The following OVOL1 variants were observed in gnomAD, a reference collection of about 807,000 sequenced individuals.
OVOL1 encodes putative transcription factor Ovo-like 1.
In OVOL1, 10 loss-of-function variants were observed where a neutral mutation model predicts 21.5. That is an observed-to-expected ratio of 0.46 (90% CI 0.29 to 0.79). OVOL1 has a LOEUF of 0.79. Among genes scored for constraint, OVOL1 ranks in the 30% least tolerant of loss-of-function variants. OVOL1 has a pLI of 0.10. For missense variants in OVOL1, 279 were observed against 362.3 expected (o/e 0.77, Z 1.87); for synonymous variants, 129 against 150.3 (o/e 0.86, Z 1.03).
intron 1 of OVOL1, among the ~76,000 whole-genome samples, chr11:65,787,882 G>T (rs528292131): frequency 2.0e-5 from 3 of 152,240 alleles, no homozygotes; most frequent in Admixed American, 6.5e-5. Flanking sequence ...TGCCACTTTG[G>T]GGGGCGGGGA....
intron 1 of OVOL1, chr11:65,788,443 A>G (rs945899818): frequency 9.1e-6 from 9 of 984,060 alleles, no homozygotes; most frequent in Admixed American, 1.2e-4. Flanking sequence ...CGGGGCGTGG[A>G]CGCTCTGAAC....
intron 1 of OVOL1, 26 bp from the exon 2 acceptor site, chr11:65,794,005 C>T: frequency 6.3e-7 from 1 of 1,592,962 alleles, no homozygotes; most frequent in African/African-American, 1.3e-5. Flanking sequence ...TCCACCAAGC[C>T]TCTCACCTGT....
intron 1 of OVOL1, chr11:65,793,776 C>A (rs377008219): frequency 2.1e-5 from 12 of 560,236 alleles, no homozygotes; most frequent in Non-Finnish European, 3.8e-5. Context: ...CAGGGCAGTT[C>A]GGTCCTCCCA....
At chr11:65,790,993 T>G (rs1439993458) in intron 1 of OVOL1, 2 of 152,602 alleles carry the variant, frequency 1.3e-5, no homozygotes, top group Non-Finnish European at 2.9e-5. Context: ...ACTGGGCCTG[T>G]GCCTGGCTGG....
Position 65,795,361 on chromosome 11 carries a change from T to A in OVOL1, c.*20T>A, listed in dbSNP as rs988507925. ...CTGTGAGTGGCTCGAGCCCTGGGGG[T>A]GCTCCTGGAAGCCCCAAGAGCATCC... On this transcript the variant is annotated 3_prime_UTR_variant, in exon 4 of 4. Transcript: ENST00000335987. This position sits in a 1 kb window ranked among gnomAD's most constrained non-coding sequence, Gnocchi z 5.7. 3.2e-6 allele frequency: 5 copies of A among 1,555,574 alleles called. No homozygotes were observed. The highest frequency in any genetic ancestry group is 4.3e-6 in the Non-Finnish European group (5 of 1,154,590).
In OVOL1 at chr11:65,794,723, C is replaced by T. The variant is rs1858094352; in HGVS notation, c.504C>T (p.His168=). ...TFDLKRHVRT[H]TGVRPYKCSL... is the part of the protein sequence containing the mutation. The stretch of plus-strand genomic sequence containing the variant: ...ACCTCAAGAGACACGTCCGAACTCA[C>T]ACTGGTAAGTGGAAGCCCACGGCTG... Residue 168 remains histidine (H), a synonymous_variant, in exon 3 of 4, where the codon CAC becomes CAT. Transcript: ENST00000335987. 1.9e-6 allele frequency: 3 copies of T among 1,613,290 alleles called. No homozygotes were observed. Among genetic ancestry groups the T allele is most frequent in the East Asian group, 2.2e-5 (1 of 44,884 alleles).
At position 65,795,808 on chromosome 11, in the gene OVOL1, G is replaced by A; in HGVS notation, c.*467G>A. 5.2e-6 allele frequency: 1 copy of A among 192,910 alleles called. No individual in the cohort carries two copies. The highest frequency in any genetic ancestry group is 1.1e-4 in the South Asian group (1 of 9,070). The allele number at this position is 192,910 out of a possible 1,614,324, so 11.9% of individuals were successfully genotyped here. On this transcript the variant is annotated 3_prime_UTR_variant, in exon 4 of 4. Coordinates refer to ENST00000335987, the MANE Select transcript of OVOL1 (RefSeq NM_004561.4). The surrounding 1 kb of genome is among the most constrained non-coding windows in gnomAD (Gnocchi z 5.7). ...ACCCCTGCAAACAACTGTGGTGGGG[G>A]CTGGCAGCAGACCCCCCACCTGGCA... is the stretch of plus-strand genomic sequence containing the variant.
chr11:65,793,335 CG>C (rs1470055063), intron 1 of OVOL1, among the ~76,000 whole-genome samples: 1 of 152,204 alleles, frequency 6.6e-6, no homozygotes, highest in Non-Finnish European at 1.5e-5. Flanking sequence ...CATGCCCCGG[CG>C]AGCGGTCCTG....
At chr11:65,788,361 C>T (rs909432968) in intron 1 of OVOL1, 1 of 577,980 alleles carries the variant, frequency 1.7e-6, no homozygotes, top group Non-Finnish European at 2.2e-6. Flanking sequence ...TGTCCTCCCC[C>T]ACCCCCAACA....
At chr11:65,788,866 G>C in intron 1 of OVOL1, 1 of 985,482 alleles carries the variant, frequency 1.0e-6, no homozygotes, top group Non-Finnish European at 1.2e-6. Context: ...TCAGAATTCT[G>C]TGTATAGCTT....
intron 3 of OVOL1, 89 bp downstream of exon 3, chr11:65,794,816 C>G: frequency 1.5e-6 from 2 of 1,348,116 alleles, no homozygotes; most frequent in Admixed American, 3.5e-5. Context: ...TGCTCTCCCT[C>G]GGTGACGGGC....
intron 1 of OVOL1, 131 bp from the exon 2 acceptor site, chr11:65,793,900 T>C (rs1282156596): frequency 1.7e-5 from 12 of 697,718 alleles, no homozygotes; most frequent in Non-Finnish European, 2.9e-5. Flanking sequence ...GCAGCCCCGC[T>C]CTGCTGCATG....
intron 1 of OVOL1, chr11:65,792,577 C>G (rs1217083768): frequency 6.6e-6 from 1 of 152,282 alleles, no homozygotes; most frequent in African/African-American, 2.4e-5. Flanking sequence ...GCCTGACACT[C>G]AGACTCAGAG....
intron 1 of OVOL1, 92 bp from the exon 2 acceptor site, chr11:65,793,939 G>C: frequency 2.0e-6 from 2 of 989,732 alleles, no homozygotes; most frequent in Non-Finnish European, 3.1e-6. Flanking sequence ...GAGTCTCCAG[G>C]TTCCAGCCGT....
chr11:65,791,529 A>T lies in OVOL1; in HGVS notation c.101-2502A>T, dbSNP rs573732420. ...GAGGCCTTGGATGGGGGGACCCGGCACTTTCCCCAACATCTGGGCCAGCAG... is the reference window on the plus strand; with the variant it reads ...GAGGCCTTGGATGGGGGGACCCGGCTCTTTCCCCAACATCTGGGCCAGCAG... On this transcript the variant is annotated intron_variant, in intron 1 of 3. Transcript: ENST00000335987. Among the ~76,000 whole-genome samples the T allele has an allele frequency of 7.2e-5, 11 of 152,286 alleles. 1 individual carries two copies. The East Asian group carries it at 2.1e-3, about 29-fold the overall frequency.
rs1957303760 is a variant in OVOL1 at position 65,787,168 on chromosome 11, G to A, written c.-206G>A. 2 of 461,368 alleles carry A rather than the reference G, an allele frequency of 4.3e-6. No individual in the cohort carries two copies. Among genetic ancestry groups the A allele is most frequent in the Non-Finnish European group, 8.1e-6 (2 of 248,118 alleles). 28.6% of individuals were successfully genotyped at this position (461,368 alleles called of 1,614,324 possible). ...GGTGCACCTGGCCGCAAGGGACCTC[G>A]TTCTCAGGGAAGACGGCGACATTCC... On this transcript the variant is annotated 5_prime_UTR_variant, in exon 1 of 4. Transcript: ENST00000335987.
chr11:65,794,550 G>T lies in OVOL1; in HGVS notation c.331G>T (p.Asp111Tyr). The T allele has an allele frequency of 6.2e-7, 1 of 1,613,300 alleles. No individual in the cohort carries two copies. Among genetic ancestry groups the T allele is most frequent in the Non-Finnish European group, 8.5e-7 (1 of 1,180,008 alleles). ...TCCTCACCCACAGGTGACCCTTGGG[G>T]ACAGTCCCAGTGGAGACCTGTTCAC... is the stretch of plus-strand genomic sequence containing the variant. ...LRTKMKVTLG[D>Y]SPSGDLFTCR... Residue 111 changes from aspartate to tyrosine, a missense_variant, in exon 3 of 4, where the codon GAC (aspartate) becomes TAC (tyrosine). By Grantham distance (160) the Asp-to-Tyr change is radical (BLOSUM62 -3). Coordinates refer to ENST00000335987, the MANE Select transcript of OVOL1 (RefSeq NM_004561.4).
In OVOL1 at chr11:65,792,917, C is replaced by T. The variant is rs558558037; in HGVS notation, c.101-1114C>T. Among the ~76,000 whole-genome samples the T allele has an allele frequency of 5.3e-5, 8 of 152,364 alleles. 1 individual carries two copies. In the South Asian group the frequency reaches 6.2e-4, roughly 12 times the overall value. Reference sequence around the variant, plus strand: ...CCAGGCCCAAGCCCGTTCTCTGTCTCGCCGGCTGTGGGATGGCAGGGTGCA... The same window carrying T: ...CCAGGCCCAAGCCCGTTCTCTGTCTTGCCGGCTGTGGGATGGCAGGGTGCA... On this transcript the variant is annotated intron_variant, in intron 1 of 3. Transcript: ENST00000335987.
At chr11:65,789,754 G>C in intron 1 of OVOL1, 1 of 960,756 alleles carries the variant, frequency 1.0e-6, no homozygotes, top group Non-Finnish European at 1.2e-6. Context: ...GAATGTGGGA[G>C]TGTTTGAGTT....
Sources: allele counts gnomAD v4.1 joint callset (sites outside exome capture counted in the v4.1 genomes callset), GRCh38; gene constraint gnomAD v4.1.1; non-coding constraint Gnocchi (gnomAD v3.1); transcripts MANE v1.5; gene names NCBI Gene and HGNC (gene_info 2026-07-23, HGNC 2026-07-21).